CNTNAP2: variants seen among roughly 807,000 people sequenced by gnomAD.
CNTNAP2 encodes the protein contactin-associated protein-like 2.
CNTNAP2 carries 98 observed loss-of-function variants against 155.2 expected under a neutral mutation model. The observed-to-expected ratio is 0.63, with a 90% CI of 0.54 to 0.75. The LOEUF (loss-of-function observed/expected upper bound fraction) is 0.75. Ranked by LOEUF, CNTNAP2 falls within the 30% of genes least tolerant of loss-of-function variation. The probability of loss-of-function intolerance (pLI) is 0.00; values close to 1 mark genes in which losing one functional copy is unlikely to be tolerated. For missense variants in CNTNAP2, 1,727 were observed against 1,688.1 expected (o/e 1.02, Z -0.40); for synonymous variants, 651 against 631.2 (o/e 1.03, Z -0.47).
chr7:147,630,772 TC>T (rs1434107928), intron 12 of CNTNAP2, among the ~76,000 whole-genome samples: 2 of 152,116 alleles, frequency 1.3e-5, no homozygotes, highest in East Asian at 1.9e-4. Flanking sequence ...AAGTCCAGCA[TC>T]CCTTTACGAA....
intron 5 of CNTNAP2, among the ~76,000 whole-genome samples, chr7:147,119,004 A>G (rs2129282247): frequency 6.6e-6 from 1 of 152,276 alleles, no homozygotes; most frequent in African/African-American, 2.4e-5. Context: ...GCCTGAAATT[A>G]TTTTTAAAAC....
intron 1 of CNTNAP2, among the ~76,000 whole-genome samples, chr7:146,361,192 A>T (rs1305050848): frequency 6.6e-6 from 1 of 152,154 alleles, no homozygotes; most frequent in African/African-American, 2.4e-5. Flanking sequence ...ACAGGTTTGA[A>T]CTGTGCAGCT....
intron 14 of CNTNAP2, among the ~76,000 whole-genome samples, chr7:147,952,827 TA>T (rs1462510738): frequency 6.6e-6 from 1 of 152,178 alleles, no homozygotes. Context: ...AAAATATACT[TA>T]TTTTTTTTAA....
At chr7:147,538,271 G>A (rs986596876) in intron 11 of CNTNAP2, among the ~76,000 whole-genome samples, 8 of 152,194 alleles carry the variant, frequency 5.3e-5, no homozygotes, top group Non-Finnish European at 7.4e-5. Context: ...ACAATTATTT[G>A]AAGGGTACAT....
At chr7:146,233,236 T>A (rs546788236) in intron 1 of CNTNAP2, among the ~76,000 whole-genome samples, 1 of 152,282 alleles carries the variant, frequency 6.6e-6, no homozygotes, top group East Asian at 1.9e-4. Context: ...TATCACAGAT[T>A]TGACTCTTCC....
At chr7:146,287,559 C>T (rs1418472786) in intron 1 of CNTNAP2, among the ~76,000 whole-genome samples, 1 of 152,190 alleles carries the variant, frequency 6.6e-6, no homozygotes, top group African/African-American at 2.4e-5. Flanking sequence ...CAGGAAAAAA[C>T]TGAATGCTTC....
At chr7:146,717,021 A>ACTGGTT (rs201920736) in intron 1 of CNTNAP2, among the ~76,000 whole-genome samples, 5,171 of 152,260 alleles carry the variant, frequency 0.034, 129 homozygotes, top group East Asian at 0.12. Flanking sequence ...AACAACTCCA[A>ACTGGTT]GATTGGTTTC....
At chr7:146,459,072 T>A (rs147382086) in intron 1 of CNTNAP2, among the ~76,000 whole-genome samples, 1 of 152,292 alleles carries the variant, frequency 6.6e-6, no homozygotes, top group Non-Finnish European at 1.5e-5. Context: ...CAAGATTATA[T>A]TTCTTTCAAA....
intron 2 of CNTNAP2, among the ~76,000 whole-genome samples, chr7:146,800,159 A>G (rs1441690496): frequency 6.6e-6 from 1 of 152,160 alleles, no homozygotes; most frequent in African/African-American, 2.4e-5. Flanking sequence ...GTTGTGAATG[A>G]TAGCAGCAAC....
chr7:146,157,923 G>C (rs1394064059), intron 1 of CNTNAP2, among the ~76,000 whole-genome samples: 1 of 152,198 alleles, frequency 6.6e-6, no homozygotes, highest in Non-Finnish European at 1.5e-5. Flanking sequence ...TCTGAGAATG[G>C]ATAGACTGCC....
At chr7:147,249,292 T>C (rs1804132596) in intron 8 of CNTNAP2, among the ~76,000 whole-genome samples, 1 of 152,138 alleles carries the variant, frequency 6.6e-6, no homozygotes, top group Non-Finnish European at 1.5e-5. Context: ...CCACTGAGTG[T>C]TATTTTCTCA....
At chr7:148,051,363 T>G (rs1157247106) in intron 15 of CNTNAP2, among the ~76,000 whole-genome samples, 2 of 152,230 alleles carry the variant, frequency 1.3e-5, no homozygotes, top group African/African-American at 2.4e-5. Context: ...GAGTTGGTTG[T>G]TAAGTGGCCA....
intron 1 of CNTNAP2, among the ~76,000 whole-genome samples, chr7:146,330,266 C>A (rs996855781): frequency 2.6e-5 from 4 of 152,082 alleles, no homozygotes; most frequent in Non-Finnish European, 4.4e-5. Context: ...AGGTGATCCA[C>A]CCACCTCGGC....
At chr7:147,316,901 G>A (rs2620452) in intron 9 of CNTNAP2, among the ~76,000 whole-genome samples, 71,682 of 151,916 alleles carry the variant, frequency 0.47, 17,675 homozygotes, top group East Asian at 0.73. Flanking sequence ...TAGTCTTATT[G>A]CAATGGGGAT....
intron 2 of CNTNAP2, among the ~76,000 whole-genome samples, chr7:146,803,578 A>G (rs1394941682): frequency 6.6e-6 from 1 of 152,218 alleles, no homozygotes; most frequent in Non-Finnish European, 1.5e-5. Flanking sequence ...GCAGGTAACC[A>G]GAAGCGATCT....
chr7:147,651,414 T>A (rs1339036794), intron 13 of CNTNAP2, among the ~76,000 whole-genome samples: 1 of 152,290 alleles, frequency 6.6e-6, no homozygotes, highest in Non-Finnish European at 1.5e-5. Context: ...AGAGTGTTTT[T>A]TTGAATAACT....
At chr7:147,450,921 G>T (rs1797820683) in intron 10 of CNTNAP2, among the ~76,000 whole-genome samples, 1 of 152,140 alleles carries the variant, frequency 6.6e-6, no homozygotes, top group Non-Finnish European at 1.5e-5. Flanking sequence ...GACATCACTT[G>T]GCATCAGTAG....
At chr7:146,965,138 T>C (rs1316487898) in intron 3 of CNTNAP2, among the ~76,000 whole-genome samples, 1 of 152,004 alleles carries the variant, frequency 6.6e-6, no homozygotes, top group African/African-American at 2.4e-5. Context: ...GTGGGGTCCA[T>C]GTGTACAGAG....
chr7:146,556,432 G>T (rs1266480549), intron 1 of CNTNAP2, among the ~76,000 whole-genome samples: 1 of 152,028 alleles, frequency 6.6e-6, no homozygotes, highest in Non-Finnish European at 1.5e-5. Flanking sequence ...TGATAGGAGG[G>T]GTAATAACAT....
Sources: gnomAD v4.1 joint callset for allele counts (sites outside exome capture counted in the v4.1 genomes callset) on GRCh38, gnomAD v4.1.1 for gene constraint, MANE v1.5 for transcripts, NCBI Gene and HGNC (gene_info 2026-07-23, HGNC 2026-07-21) for gene names.